Variants in CIT observed in about 807,000 individuals in gnomAD.
CIT encodes citron rho-interacting serine/threonine kinase.
In CIT, 79 loss-of-function variants were observed where a neutral mutation model predicts 272.7. The observed-to-expected ratio is 0.29, with a 90% CI of 0.24 to 0.35. The LOEUF is 0.35. CIT is among the 10% of genes least tolerant of loss of function. The pLI is 1.00. For missense variants in CIT, 1,909 were observed against 2,618.3 expected (o/e 0.73, Z 5.91); for synonymous variants, 948 against 995.6 (o/e 0.95, Z 0.90).
chr12:119,777,142 C>T (rs963664935), intron 13 of CIT, among the ~76,000 whole-genome samples: 1 of 152,118 alleles, frequency 6.6e-6, no homozygotes, highest in Non-Finnish European at 1.5e-5. Context: ...ATAGTCCCAG[C>T]TACTTGGGAG....
intron 10 of CIT, among the ~76,000 whole-genome samples, chr12:119,789,434 T>C (rs911411256): frequency 4.6e-5 from 7 of 152,218 alleles, no homozygotes; most frequent in African/African-American, 1.7e-4. Flanking sequence ...TATTAGATAA[T>C]GATTAAAGCC....
At chr12:119,691,419 C>T (rs1955939518) in intron 46 of CIT, among the ~76,000 whole-genome samples, 1 of 152,034 alleles carries the variant, frequency 6.6e-6, no homozygotes, top group Non-Finnish European at 1.5e-5. Context: ...GTTTGGTCAC[C>T]TCTGCCCCCA....
In CIT at chr12:119,730,578, C is replaced by T; in HGVS notation, c.3403G>A (p.Val1135Met). The T allele has an allele frequency of 6.2e-7, 1 of 1,614,166 alleles. No homozygotes were observed. Among genetic ancestry groups the T allele is most frequent in the Non-Finnish European group, 8.5e-7 (1 of 1,179,996 alleles). ...TESRQVVELA[V>M]KEHKAEILAL... Reference sequence around the variant, plus strand: ...AGAATCTCAGCCTTGTGCTCCTTCACTGCCAGCTCCACCACCTGGCGAGAC... The same window carrying T: ...AGAATCTCAGCCTTGTGCTCCTTCATTGCCAGCTCCACCACCTGGCGAGAC... Residue 1135 changes from valine to methionine, a missense_variant, in exon 27 of 48, where the codon GTG becomes ATG. This residue lies in a region of CIT where 530 missense variants were observed against 822.4 expected (regional missense o/e 0.64). Transcript: ENST00000392521.
rs753029565 is a variant in CIT at position 119,825,300 on chromosome 12, C to T, written c.822G>A (p.Gly274=). 8.7e-6 allele frequency: 14 copies of T among 1,613,982 alleles called. 1 individual carries two copies. In the South Asian group the frequency reaches 1.4e-4, roughly 16 times the overall value. The change falls in exon 8 of 48, where the codon GGG becomes GGA. Residue 274 remains glycine, a synonymous_variant. Transcript: ENST00000392521. The part of the protein sequence containing the change: ...MAPEVLTVMN[G]DGKGTYGLDC... Reference sequence around the variant, plus strand: ...CCAGGCCGTAGGTGCCTTTTCCATCCCCGTTCATCACAGTCAGCACTTCAG... The same window carrying T: ...CCAGGCCGTAGGTGCCTTTTCCATCTCCGTTCATCACAGTCAGCACTTCAG...
chr12:119,704,576 G>A, intron 40 of CIT, 121 bp from the exon 41 acceptor site: 1 of 845,562 alleles, frequency 1.2e-6, no homozygotes, highest in Non-Finnish European at 1.9e-6. Flanking sequence ...ATTCTGTGTG[G>A]TGGGGGGAGG....
intron 23 of CIT, among the ~76,000 whole-genome samples, chr12:119,747,147 G>A (rs1037783574): frequency 2.0e-5 from 3 of 152,194 alleles, no homozygotes; most frequent in Non-Finnish European, 2.9e-5. Context: ...AGATGGCCAG[G>A]CACAGTGGCT....
At chr12:119,708,113 T>G in intron 40 of CIT, 66 bp downstream of exon 40, 1 of 1,417,718 alleles carries the variant, frequency 7.1e-7, no homozygotes, top group East Asian at 2.7e-5. Flanking sequence ...CAACGAGCTC[T>G]GTGGGAAGAG....
intron 32 of CIT, among the ~76,000 whole-genome samples, chr12:119,717,663 C>T (rs925579935): frequency 1.3e-5 from 2 of 151,408 alleles, no homozygotes; most frequent in Middle Eastern, 3.5e-3. Context: ...TCAGGTGATC[C>T]GCCTGCCTCA....
At chr12:119,819,875 T>C (rs1967534695) in intron 9 of CIT, among the ~76,000 whole-genome samples, 1 of 152,244 alleles carries the variant, frequency 6.6e-6, no homozygotes. Flanking sequence ...TCTGAGTTGA[T>C]TGCAAATAAT....
At chr12:119,869,967 A>C (rs1337468874) in intron 2 of CIT, among the ~76,000 whole-genome samples, 1 of 152,084 alleles carries the variant, frequency 6.6e-6, no homozygotes, top group African/African-American at 2.4e-5. Context: ...TCCATCTTCC[A>C]ACTGGCCCAC....
At chr12:119,808,578 C>T (rs1966736015) in intron 9 of CIT, among the ~76,000 whole-genome samples, 2 of 151,352 alleles carry the variant, frequency 1.3e-5, no homozygotes, top group African/African-American at 2.4e-5. Context: ...TAATCATCAC[C>T]ATGGATTGCA....
chr12:119,845,254 G>A (rs1969713619), intron 5 of CIT, among the ~76,000 whole-genome samples: 1 of 152,150 alleles, frequency 6.6e-6, no homozygotes, highest in African/African-American at 2.4e-5. Context: ...TCCTACATCT[G>A]GGAGCCTGTC....
rs542474408 is a variant in CIT at position 119,694,719 on chromosome 12, C to T, written c.5882+2940G>A. Reference sequence around the variant, plus strand: ...CTCGGGGGGAGGCTGAAGTCGGGGGCTCTCTTGAGCCCAGGAGGCGGAGGT... The same window carrying T: ...CTCGGGGGGAGGCTGAAGTCGGGGGTTCTCTTGAGCCCAGGAGGCGGAGGT... On this transcript the variant is annotated intron_variant, in intron 46 of 47. Coordinates refer to ENST00000392521, the MANE Select transcript of CIT (RefSeq NM_001206999.2). This position sits in a 1 kb window ranked among gnomAD's most constrained non-coding sequence, Gnocchi z 4.5. Among the ~76,000 whole-genome samples, 198 of 152,084 alleles carry T rather than the reference C, an allele frequency of 1.3e-3. No homozygotes were observed. The highest frequency in any genetic ancestry group is 3.4e-3 in the Middle Eastern group (1 of 294).
rs1957113257 is a variant in CIT at position 119,710,523 on chromosome 12, G to A, written c.4935+17C>T. On this transcript the variant is annotated intron_variant, in intron 38 of 47. Transcript: ENST00000392521. The surrounding 1 kb of genome is among the most constrained non-coding windows in gnomAD (Gnocchi z 5.6). ...CTGTAACCAGACACCAGCTGGCCGT[G>A]CCCATGCAAGCATTACCTGGTCACT... 6.2e-7 allele frequency: 1 copy of A among 1,613,792 alleles called. No homozygotes were observed. Among genetic ancestry groups the A allele is most frequent in the African/African-American group, 1.3e-5 (1 of 74,920 alleles).
chr12:119,830,977 T>C (rs566415620), intron 7 of CIT, among the ~76,000 whole-genome samples: 3 of 152,348 alleles, frequency 2.0e-5, no homozygotes, highest in African/African-American at 7.2e-5. Context: ...GCGATCCTAC[T>C]GTCTTGGCCT....
intron 9 of CIT, among the ~76,000 whole-genome samples, chr12:119,818,379 T>C (rs1375552536): frequency 2.0e-5 from 3 of 152,224 alleles, no homozygotes; most frequent in Admixed American, 6.5e-5. Context: ...GACTTTCACC[T>C]GAAGCTAAGT....
At chr12:119,861,587 C>CAAA (rs1253525877) in intron 3 of CIT, among the ~76,000 whole-genome samples, 1 of 125,610 alleles carries the variant, frequency 8.0e-6, no homozygotes, top group African/African-American at 3.0e-5. Flanking sequence ...AACTCCATCT[C>CAAA]AAAAAAAAAA....
chr12:119,791,189 C>T lies in CIT; in HGVS notation c.1296-6124G>A, dbSNP rs1330652638. On this transcript the variant is annotated intron_variant, in intron 10 of 47. Transcript: ENST00000392521. ...GCTTCAAATCCCATTTCTGCTACTT[C>T]TTAGCTAGATGGCCTTGGACACACT... Among the ~76,000 whole-genome samples, 3 of 152,182 alleles carry T rather than the reference C, an allele frequency of 2.0e-5. No individual in the cohort carries two copies. The East Asian group carries it at 5.8e-4, about 29-fold the overall frequency.
chr12:119,862,701 TC>T (rs1950377290), intron 3 of CIT, among the ~76,000 whole-genome samples: 1 of 147,050 alleles, frequency 6.8e-6, no homozygotes, highest in Non-Finnish European at 1.5e-5. Context: ...TCCCAGCTAC[TC>T]AGGAGGCTGA....
Sources: allele counts gnomAD v4.1 joint callset (sites outside exome capture counted in the v4.1 genomes callset), GRCh38; gene constraint gnomAD v4.1.1; regional missense constraint gnomAD v4.1.1; non-coding constraint Gnocchi (gnomAD v3.1); transcripts MANE v1.5; gene names NCBI Gene and HGNC (gene_info 2026-07-23, HGNC 2026-07-21).